The following RNF216 variants were observed in gnomAD, a reference collection of about 807,000 sequenced individuals.
The protein encoded by RNF216 is ring finger protein 216, also known as E3 ubiquitin-protein ligase RNF216.
Under a neutral mutation model 110.8 loss-of-function variants are expected in RNF216, and 72 were observed. The observed-to-expected ratio is 0.65, with a 90% CI of 0.54 to 0.79. The LOEUF is 0.79. RNF216 is among the 30% of genes least tolerant of loss of function. RNF216 has a pLI of 0.00. For synonymous variants in RNF216, 495 were observed against 407.5 expected, an observed-to-expected ratio of 1.21 and a Z score of -2.59; for missense variants, 1,342 against 1,141.2, an observed-to-expected ratio of 1.18 and a Z score of -2.54.
intron 15 of RNF216, among the ~76,000 whole-genome samples, chr7:5,634,143 C>T (rs1277327334): frequency 6.6e-6 from 1 of 152,122 alleles, no homozygotes; most frequent in Non-Finnish European, 1.5e-5. Context: ...ACTTTTTTTC[C>T]AACACTTCTG....
chr7:5,752,046 C>T (rs1795358925), intron 3 of RNF216, among the ~76,000 whole-genome samples: 1 of 151,586 alleles, frequency 6.6e-6, no homozygotes, highest in African/African-American at 2.4e-5. Flanking sequence ...TTAGCCAGGC[C>T]TGGTGGCGGG....
chr7:5,631,474 T>G (rs1313678305), intron 15 of RNF216, among the ~76,000 whole-genome samples: 1 of 152,232 alleles, frequency 6.6e-6, no homozygotes, highest in Non-Finnish European at 1.5e-5. Flanking sequence ...CAGTGGCCTC[T>G]GACCAGGTGC....
intron 16 of RNF216, among the ~76,000 whole-genome samples, chr7:5,623,398 G>C (rs927861992): frequency 2.0e-5 from 3 of 151,778 alleles, no homozygotes; most frequent in Non-Finnish European, 4.4e-5. Flanking sequence ...AAGGTGGCAC[G>C]TCCACCCACC....
intron 3 of RNF216, among the ~76,000 whole-genome samples, chr7:5,746,867 G>C (rs1455245547): frequency 2.6e-5 from 4 of 152,142 alleles, no homozygotes; most frequent in Non-Finnish European, 5.9e-5. Context: ...AAATTCACTT[G>C]AATCCTAAGA....
At chr7:5,693,422 C>A (rs1791452579) in intron 13 of RNF216, among the ~76,000 whole-genome samples, 1 of 152,138 alleles carries the variant, frequency 6.6e-6, no homozygotes, top group Non-Finnish European at 1.5e-5. Flanking sequence ...ACTGAGGTAC[C>A]AAAATGTACT....
chr7:5,692,557 G>A (rs943898841), intron 13 of RNF216, among the ~76,000 whole-genome samples: 17 of 152,138 alleles, frequency 1.1e-4, no homozygotes, highest in African/African-American at 3.9e-4. Flanking sequence ...CAGAGCTTGT[G>A]CTGCAAGCAG....
At chr7:5,723,976 A>T (rs569744849) in intron 8 of RNF216, among the ~76,000 whole-genome samples, 1 of 152,340 alleles carries the variant, frequency 6.6e-6, no homozygotes, top group South Asian at 2.1e-4. Flanking sequence ...ATTATCTGAT[A>T]AGTAAAATTA....
chr7:5,718,152 G>C (rs909507197), intron 9 of RNF216, among the ~76,000 whole-genome samples: 4 of 152,216 alleles, frequency 2.6e-5, no homozygotes, highest in Admixed American at 1.3e-4. Context: ...AGGCCAAGGT[G>C]GGGGGATTGC....
chr7:5,765,713 C>T (rs1414951076), intron 1 of RNF216, among the ~76,000 whole-genome samples: 1 of 149,722 alleles, frequency 6.7e-6, no homozygotes, highest in African/African-American at 2.5e-5. Flanking sequence ...GCGGCTGAGG[C>T]GGGCAGACTG....
chr7:5,651,044 C>T (rs914389577), intron 14 of RNF216, among the ~76,000 whole-genome samples: 2 of 152,134 alleles, frequency 1.3e-5, no homozygotes, highest in South Asian at 2.1e-4. Flanking sequence ...GCGATACGAG[C>T]GGAAGTGAGA....
intron 14 of RNF216, among the ~76,000 whole-genome samples, chr7:5,651,124 C>A (rs1369584265): frequency 6.6e-6 from 1 of 152,174 alleles, no homozygotes. Flanking sequence ...TTGTCTATTT[C>A]CCACTTTCTT....
At chr7:5,644,615 C>T (rs1562784269) in intron 14 of RNF216, among the ~76,000 whole-genome samples, 1 of 151,796 alleles carries the variant, frequency 6.6e-6, no homozygotes, top group Admixed American at 6.6e-5. Context: ...AAGTGATTTC[C>T]CACCTCAGCC....
At chr7:5,727,964 C>T (rs1252269107) in intron 7 of RNF216, among the ~76,000 whole-genome samples, 2 of 152,074 alleles carry the variant, frequency 1.3e-5, no homozygotes, top group East Asian at 3.9e-4. Flanking sequence ...ATCCTATCTA[C>T]AGTCTGTATT....
intron 14 of RNF216, among the ~76,000 whole-genome samples, chr7:5,649,345 CA>C: frequency 6.6e-6 from 1 of 151,154 alleles, no homozygotes; most frequent in East Asian, 2.0e-4. Context: ...TGACCCGAGG[CA>C]CTCTAACCTA....
At chr7:5,661,821 A>G (rs1245179022) in intron 13 of RNF216, among the ~76,000 whole-genome samples, 1 of 152,134 alleles carries the variant, frequency 6.6e-6, no homozygotes, top group Non-Finnish European at 1.5e-5. Flanking sequence ...CAAAAACAAA[A>G]AAGGTAAGAG....
chr7:5,659,432 G>A (rs1788958661), intron 13 of RNF216, among the ~76,000 whole-genome samples: 1 of 152,206 alleles, frequency 6.6e-6, no homozygotes, highest in African/African-American at 2.4e-5. Flanking sequence ...CTTCAGGGCA[G>A]GAGAGGGTCC....
At chr7:5,727,638 A>C (rs1793841249) in intron 7 of RNF216, among the ~76,000 whole-genome samples, 1 of 152,126 alleles carries the variant, frequency 6.6e-6, no homozygotes, top group African/African-American at 2.4e-5. Flanking sequence ...AGGCTGAGGC[A>C]GGAGGATGGC....
Position 5,694,333 on chromosome 7 carries a change from T to C in RNF216, c.2061+17428A>G, listed in dbSNP as rs527461100. ...CTTCCGCCACTGCTACTCAATGATA[T>C]TCTCTTTAAGGAATGACTTCTGAGT... is the stretch of plus-strand genomic sequence containing the variant. On this transcript the variant is annotated intron_variant, in intron 13 of 16. Transcript: ENST00000389902. 1.2e-3 allele frequency among the ~76,000 whole-genome samples: 182 copies of C among 152,366 alleles called. 1 individual carries two copies. Among genetic ancestry groups the C allele is most frequent in the African/African-American group, 4.3e-3 (177 of 41,580 alleles).
intron 13 of RNF216, among the ~76,000 whole-genome samples, chr7:5,654,443 T>C (rs976742512): frequency 2.0e-5 from 3 of 151,818 alleles, no homozygotes; most frequent in Non-Finnish European, 4.4e-5. Context: ...TTCCAGCACT[T>C]TGGGAGGCCA....
Sources: gnomAD v4.1 joint callset for allele counts (sites outside exome capture counted in the v4.1 genomes callset) on GRCh38, gnomAD v4.1.1 for gene constraint, MANE v1.5 for transcripts, NCBI Gene and HGNC (gene_info 2026-07-23, HGNC 2026-07-21) for gene names.